Variants in EFEMP1 observed in about 807,000 individuals in gnomAD.
EFEMP1 encodes EGF-like fibulin extracellular matrix protein 1, also known as EGF-containing fibulin-like extracellular matrix protein 1.
Under a neutral mutation model 65.7 loss-of-function variants are expected in EFEMP1, and 18 were observed. That is an observed-to-expected ratio of 0.27 (90% CI 0.19 to 0.41). The LOEUF is 0.41. Ranked by LOEUF, EFEMP1 falls within the 10% of genes least tolerant of loss-of-function variation. The probability of loss-of-function intolerance (pLI) is 1.00; values close to 1 mark genes in which losing one functional copy is unlikely to be tolerated. For synonymous variants in EFEMP1, 237 were observed against 219.7 expected (o/e 1.08, Z -0.70); for missense variants, 469 against 624.8 (o/e 0.75, Z 2.66).
intron 5 of EFEMP1, among the ~76,000 whole-genome samples, chr2:55,899,749 A>C (rs1437241182): frequency 6.6e-6 from 1 of 152,184 alleles, no homozygotes; most frequent in Non-Finnish European, 1.5e-5. Flanking sequence ...CTTCTACCCA[A>C]GTAGTGACCA....
rs1468105105 is a variant in EFEMP1 at position 55,917,308 on chromosome 2, A to C, written c.517+357T>G. On this transcript the variant is annotated intron_variant, in intron 5 of 11. Transcript: ENST00000355426. The surrounding 1 kb of genome is among the most constrained non-coding windows in gnomAD (Gnocchi z 6.3). ...TGGTTCTCAAACTTGGCCGCACATGAGGAACTGAAAAAAAAGCCGATGCCT... is the reference window on the plus strand; with the variant it reads ...TGGTTCTCAAACTTGGCCGCACATGCGGAACTGAAAAAAAAGCCGATGCCT... Among the ~76,000 whole-genome samples the C allele has an allele frequency of 6.6e-6, 1 of 152,098 alleles. No homozygotes were observed. Among genetic ancestry groups the C allele is most frequent in the Non-Finnish European group, 1.5e-5 (1 of 68,016 alleles).
In EFEMP1 at chr2:55,921,514, A is replaced by C. The variant is rs1158411710; in HGVS notation, c.81+846T>G. Reference sequence around the variant, plus strand: ...TAGAAAAATGTGCTTTTCATATTCCAATCCAGGACAAATGTCATTTGCCTA... The same window carrying C: ...TAGAAAAATGTGCTTTTCATATTCCCATCCAGGACAAATGTCATTTGCCTA... On this transcript the variant is annotated intron_variant, in intron 3 of 11. Coordinates refer to ENST00000355426, the MANE Select transcript of EFEMP1 (RefSeq NM_001039348.3). This position sits in a 1 kb window ranked among gnomAD's most constrained non-coding sequence, Gnocchi z 4.1. 1.3e-5 allele frequency among the ~76,000 whole-genome samples: 2 copies of C among 152,244 alleles called. No homozygotes were observed. Among genetic ancestry groups the C allele is most frequent in the African/African-American group, 4.8e-5 (2 of 41,458 alleles).
chr2:55,900,859 A>G (rs761015126), intron 5 of EFEMP1, among the ~76,000 whole-genome samples: 5 of 152,232 alleles, frequency 3.3e-5, no homozygotes, highest in Middle Eastern at 3.4e-3. Flanking sequence ...ATCCTACTTC[A>G]TTAGTGCCGC....
intron 5 of EFEMP1, among the ~76,000 whole-genome samples, chr2:55,910,159 T>C (rs933676379): frequency 1.3e-5 from 2 of 152,226 alleles, no homozygotes; most frequent in Non-Finnish European, 2.9e-5. Context: ...GTAGTTATGC[T>C]AACAGCTCAG....
intron 5 of EFEMP1, among the ~76,000 whole-genome samples, chr2:55,915,174 C>T (rs1029339239): frequency 4.6e-5 from 7 of 152,180 alleles, no homozygotes; most frequent in Non-Finnish European, 8.8e-5. Flanking sequence ...AGCCCTAAGC[C>T]TTCCAAAAAA....
At chr2:55,876,305 T>C (rs1669033679) in intron 8 of EFEMP1, among the ~76,000 whole-genome samples, 1 of 152,164 alleles carries the variant, frequency 6.6e-6, no homozygotes, top group South Asian at 2.1e-4. Flanking sequence ...CAGCCTGAGA[T>C]TCTGCATTTC....
At position 55,876,790 on chromosome 2, in the gene EFEMP1, A is replaced by T. The variant is rs749283148; in HGVS notation, c.761-48T>A. ...TATATATGTATATGTATATATATAC[A>T]CACACATATATATATAGACTTTAAA... On this transcript the variant is annotated intron_variant, in intron 7 of 11. Transcript: ENST00000355426. 15 of 1,151,316 alleles carry T rather than the reference A, an allele frequency of 1.3e-5. No individual in the cohort carries two copies. The South Asian group carries it at 2.4e-4, about 19-fold the overall frequency. The allele number at this position is 1,151,316 out of a possible 1,614,324, so 71.3% of individuals were successfully genotyped here.
At position 55,886,209 on chromosome 2, in the gene EFEMP1, TTTTCTCTTTG is replaced by T. The variant is rs946975384; in HGVS notation, c.518-4485_518-4476del. Among the ~76,000 whole-genome samples the T allele has an allele frequency of 6.6e-6, 1 of 152,188 alleles. No homozygotes were observed. The highest frequency in any genetic ancestry group is 1.5e-5 in the Non-Finnish European group (1 of 68,022). The stretch of plus-strand genomic sequence containing the variant: ...GTGATCTAGGGTCATGGTATCAATT[TTTTCTCTTTG>T]TTTCTCCATCTCTGAAATAGAGAGT... On this transcript the variant is annotated intron_variant, in intron 5 of 11. Coordinates refer to ENST00000355426, the MANE Select transcript of EFEMP1 (RefSeq NM_001039348.3). The surrounding 1 kb of genome is among the most constrained non-coding windows in gnomAD (Gnocchi z 4.0).
rs1411008744 is a variant in EFEMP1 at position 55,871,586 on chromosome 2, G to A, written c.1001-463C>T. On this transcript the variant is annotated intron_variant, in intron 9 of 11. Transcript: ENST00000355426. This position sits in a 1 kb window ranked among gnomAD's most constrained non-coding sequence, Gnocchi z 4.2. ...TTAGGGAAGGCTGAAGGAAGGAAGAGGCATCTCAACGTGGCCTTGAAGGGT... is the reference window on the plus strand; with the variant it reads ...TTAGGGAAGGCTGAAGGAAGGAAGAAGCATCTCAACGTGGCCTTGAAGGGT... Among the ~76,000 whole-genome samples, 2 of 152,062 alleles carry A rather than the reference G, an allele frequency of 1.3e-5. No individual in the cohort carries two copies. Among genetic ancestry groups the A allele is most frequent in the Non-Finnish European group, 2.9e-5 (2 of 68,000 alleles).
At chr2:55,887,899 C>T (rs1669479727) in intron 5 of EFEMP1, among the ~76,000 whole-genome samples, 1 of 152,178 alleles carries the variant, frequency 6.6e-6, no homozygotes, top group South Asian at 2.1e-4. Flanking sequence ...GGAAAAAAAT[C>T]ATGCTACTTC....
rs142194873 is a variant in EFEMP1 at position 55,870,788 on chromosome 2, T to C, written c.1252A>G (p.Ile418Val). 1.2e-6 allele frequency: 2 copies of C among 1,613,882 alleles called. No individual in the cohort carries two copies. Among genetic ancestry groups the C allele is most frequent in the Non-Finnish European group, 1.7e-6 (2 of 1,179,822 alleles). The change falls in exon 11 of 12, where the codon ATT becomes GTT. Residue 418 changes from isoleucine (I) to valine (V), a missense_variant. Around this residue, in one of 3 missense-constraint regions of EFEMP1, gnomAD observed 399 missense variants for 528.2 expected, o/e 0.76. Coordinates refer to ENST00000355426, the MANE Select transcript of EFEMP1 (RefSeq NM_001039348.3). This position sits in a 1 kb window ranked among gnomAD's most constrained non-coding sequence, Gnocchi z 5.8. Reference sequence around the variant, plus strand: ...AAAGTATTGATGGTGTTGGCATAAATAGTTGTGGCCTGTATCTGGAAGATG... The same window carrying C: ...AAAGTATTGATGGTGTTGGCATAAACAGTTGTGGCCTGTATCTGGAAGATG... ...SDIFQIQATT[I>V]YANTINTFRI...
intron 6 of EFEMP1, among the ~76,000 whole-genome samples, chr2:55,878,882 A>G (rs1298819619): frequency 1.3e-5 from 2 of 152,206 alleles, no homozygotes; most frequent in Non-Finnish European, 2.9e-5. Context: ...ACTGGCACAA[A>G]GCAAGTAAAC....
In EFEMP1 at chr2:55,869,560, A is replaced by G. The variant is rs150664226; in HGVS notation, c.1320+1160T>C. 7.0e-3 allele frequency among the ~76,000 whole-genome samples: 1,068 copies of G among 152,318 alleles called. 4 individuals carry two copies. The highest frequency in any genetic ancestry group is 0.012 in the Non-Finnish European group (829 of 68,016). On this transcript the variant is annotated intron_variant, in intron 11 of 11. Coordinates refer to ENST00000355426, the MANE Select transcript of EFEMP1 (RefSeq NM_001039348.3). ...AATATACTGGCAAAGAAATAATATC[A>G]CATAACTCTGGAGCTATATGGGAAA...
At chr2:55,894,253 A>G (rs1057117344) in intron 5 of EFEMP1, among the ~76,000 whole-genome samples, 2 of 152,236 alleles carry the variant, frequency 1.3e-5, no homozygotes, top group African/African-American at 2.4e-5. Context: ...GATATGAAAA[A>G]TGTAAATTTC....
intron 5 of EFEMP1, among the ~76,000 whole-genome samples, chr2:55,914,467 A>G (rs1277563006): frequency 6.6e-6 from 1 of 152,222 alleles, no homozygotes; most frequent in Non-Finnish European, 1.5e-5. Flanking sequence ...AGCTATTTAA[A>G]GGATATATTT....
chr2:55,874,813 A>T, intron 9 of EFEMP1, 133 bp downstream of exon 9: 1 of 910,476 alleles, frequency 1.1e-6, no homozygotes, highest in Non-Finnish European at 1.6e-6. Flanking sequence ...TATGATGAAC[A>T]GGGGAAAAAA....
chr2:55,922,281 C>G lies in EFEMP1; in HGVS notation c.81+79G>C. ...CTCAGCAGAGTATAGCCCAAATACA[C>G]TGGCAGGGGTGTGTAAAGTCTTTTT... On this transcript the variant is annotated intron_variant, in intron 3 of 11. Transcript: ENST00000355426. The surrounding 1 kb of genome is among the most constrained non-coding windows in gnomAD (Gnocchi z 5.5). 2 of 1,309,800 alleles carry G rather than the reference C, an allele frequency of 1.5e-6. No individual in the cohort carries two copies. The highest frequency in any genetic ancestry group is 1.1e-6 in the Non-Finnish European group (1 of 905,144). The allele number at this position is 1,309,800 out of a possible 1,614,324, so 81.1% of individuals were successfully genotyped here.
rs1406260251 is a variant in EFEMP1 at position 55,919,575 on chromosome 2, A to G, written c.82-1308T>C. ...AAAGTCACTGTAAGGAAGAAGCCCA[A>G]GGAAGGATTGAGCAAAAGTGGAGTA... is the stretch of plus-strand genomic sequence containing the variant. On this transcript the variant is annotated intron_variant, in intron 3 of 11. Transcript: ENST00000355426. This position sits in a 1 kb window ranked among gnomAD's most constrained non-coding sequence, Gnocchi z 4.5. Among the ~76,000 whole-genome samples, 1 of 152,252 alleles carries G rather than the reference A, an allele frequency of 6.6e-6. No homozygotes were observed. Among genetic ancestry groups the G allele is most frequent in the Non-Finnish European group, 1.5e-5 (1 of 68,050 alleles).
chr2:55,901,516 T>A (rs1670030401), intron 5 of EFEMP1, among the ~76,000 whole-genome samples: 1 of 152,162 alleles, frequency 6.6e-6, no homozygotes, highest in Non-Finnish European at 1.5e-5. Context: ...TCTTTGCCTG[T>A]GCTACTGACC....
Sources: allele counts gnomAD v4.1 joint callset (sites outside exome capture counted in the v4.1 genomes callset), GRCh38; gene constraint gnomAD v4.1.1; regional missense constraint gnomAD v4.1.1; non-coding constraint Gnocchi (gnomAD v3.1); transcripts MANE v1.5; gene names NCBI Gene and HGNC (gene_info 2026-07-23, HGNC 2026-07-21).